The following RPS6KA5 variants were observed in gnomAD, a reference collection of about 807,000 sequenced individuals.
RPS6KA5 encodes the protein ribosomal protein S6 kinase A5.
RPS6KA5 carries 27 observed loss-of-function variants against 85.5 expected under a neutral mutation model. The ratio of observed to expected loss-of-function variants is 0.32; its 90% CI spans 0.23 to 0.44. The LOEUF (loss-of-function observed/expected upper bound fraction) is 0.44. RPS6KA5 is among the 20% of genes least tolerant of loss of function. The pLI, the probability that RPS6KA5 is intolerant of heterozygous loss-of-function variation, is 1.00. For synonymous variants in RPS6KA5, 334 were observed against 348.2 expected (o/e 0.96, Z 0.46); for missense variants, 811 against 980.9 (o/e 0.83, Z 2.31).
chr14:90,971,914 G>A (rs2039339413), intron 3 of RPS6KA5, among the ~76,000 whole-genome samples: 1 of 152,236 alleles, frequency 6.6e-6, no homozygotes, highest in Non-Finnish European at 1.5e-5. Flanking sequence ...CATGAGCAAT[G>A]TGGGAAGGTA....
intron 14 of RPS6KA5, among the ~76,000 whole-genome samples, chr14:90,883,089 A>G (rs1231162183): frequency 6.6e-6 from 1 of 152,070 alleles, no homozygotes; most frequent in Non-Finnish European, 1.5e-5. Context: ...TTTCATTATA[A>G]TGTGTTTCAG....
chr14:90,985,352 T>C (rs886920702), intron 2 of RPS6KA5, among the ~76,000 whole-genome samples: 2 of 152,242 alleles, frequency 1.3e-5, no homozygotes, highest in Non-Finnish European at 2.9e-5. Context: ...ATGCAAAATT[T>C]TGTGTGTGTA....
intron 1 of RPS6KA5, among the ~76,000 whole-genome samples, chr14:91,020,611 C>T (rs1235568176): frequency 1.9e-3 from 46 of 23,684 alleles, no homozygotes; most frequent in East Asian, 3.3e-3. Context: ...TGTATATATC[C>T]TATTGTGTGT....
intron 2 of RPS6KA5, among the ~76,000 whole-genome samples, chr14:90,993,462 A>G (rs2040391629): frequency 6.6e-6 from 1 of 152,154 alleles, no homozygotes; most frequent in Non-Finnish European, 1.5e-5. Context: ...AAGACAGAGC[A>G]AGACTCCGTC....
chr14:90,948,426 G>A (rs1338515193), intron 3 of RPS6KA5, among the ~76,000 whole-genome samples: 4 of 152,208 alleles, frequency 2.6e-5, no homozygotes, highest in African/African-American at 9.7e-5. Flanking sequence ...GCCGGGCGCA[G>A]TGGCTCACGC....
At position 90,864,177 on chromosome 14, in the gene RPS6KA5, T is replaced by C. The variant is rs1410559368; in HGVS notation, c.*7897A>G. 1 of 152,296 alleles carries C rather than the reference T, an allele frequency of 6.6e-6. No individual in the cohort carries two copies. The highest frequency in any genetic ancestry group is 1.5e-5 in the Non-Finnish European group (1 of 68,094). 9.4% of individuals were successfully genotyped at this position (152,296 alleles called of 1,614,324 possible). On this transcript the variant is annotated 3_prime_UTR_variant, in exon 17 of 17. Transcript: ENST00000614987. ...TTTTTTGAGACAGAGTCTCGCTCTG[T>C]TGCCTAGGCTAGAGTGTAGTGGCAT... is the stretch of plus-strand genomic sequence containing the variant.
chr14:90,941,999 T>C (rs1595281858), intron 5 of RPS6KA5, among the ~76,000 whole-genome samples: 2 of 152,184 alleles, frequency 1.3e-5, no homozygotes, highest in Non-Finnish European at 2.9e-5. Context: ...ACTACGATAT[T>C]TGTATCAAAG....
chr14:90,938,599 G>A (rs949613132), intron 5 of RPS6KA5, among the ~76,000 whole-genome samples: 15 of 152,176 alleles, frequency 9.9e-5, no homozygotes, highest in Non-Finnish European at 1.8e-4. Context: ...AAATCTAGGC[G>A]GAGGTTCCCA....
intron 12 of RPS6KA5, among the ~76,000 whole-genome samples, chr14:90,897,146 G>A (rs1197531977): frequency 1.3e-5 from 2 of 152,166 alleles, no homozygotes; most frequent in Admixed American, 6.5e-5. Flanking sequence ...CTCGCCATGC[G>A]CAGTTCACAA....
chr14:91,041,915 T>C (rs899407378), intron 1 of RPS6KA5, among the ~76,000 whole-genome samples: 2 of 152,196 alleles, frequency 1.3e-5, no homozygotes, highest in Admixed American at 6.5e-5. Context: ...AGAAAACAAA[T>C]GCTTATAAAG....
intron 1 of RPS6KA5, among the ~76,000 whole-genome samples, chr14:91,009,916 T>C (rs141441377): frequency 6.6e-6 from 1 of 152,196 alleles, no homozygotes; most frequent in East Asian, 1.9e-4. Context: ...GTGGTTCAAC[T>C]AACCATGTAT....
chr14:90,886,132 T>C (rs1372769650), intron 14 of RPS6KA5, among the ~76,000 whole-genome samples: 3 of 152,092 alleles, frequency 2.0e-5, no homozygotes, highest in Non-Finnish European at 4.4e-5. Flanking sequence ...TATATACATA[T>C]ACACATACAT....
intron 1 of RPS6KA5, among the ~76,000 whole-genome samples, chr14:91,057,082 G>A (rs559546822): frequency 8.2e-4 from 124 of 151,184 alleles, no homozygotes; most frequent in African/African-American, 2.9e-3. Context: ...GGTTTCACCA[G>A]GTTGTCCAGG....
In RPS6KA5 at chr14:90,863,671, G is replaced by A. The variant is rs1444771731; in HGVS notation, c.*8403C>T. The A allele has an allele frequency of 1.3e-5, 2 of 152,064 alleles. No individual in the cohort carries two copies. The highest frequency in any genetic ancestry group is 2.9e-5 in the Non-Finnish European group (2 of 68,006). 9.4% of individuals were successfully genotyped at this position (152,064 alleles called of 1,614,324 possible). On this transcript the variant is annotated 3_prime_UTR_variant, in exon 17 of 17. Coordinates refer to ENST00000614987, the MANE Select transcript of RPS6KA5 (RefSeq NM_004755.4). Reference sequence around the variant, plus strand: ...AACAATTTGATAATAAAGTAAAACTGTCAAAAACCTAGATATAAATCTAAC... The same window carrying A: ...AACAATTTGATAATAAAGTAAAACTATCAAAAACCTAGATATAAATCTAAC...
chr14:90,995,743 G>A (rs1289629230), intron 2 of RPS6KA5, among the ~76,000 whole-genome samples: 1 of 151,922 alleles, frequency 6.6e-6, no homozygotes, highest in African/African-American at 2.4e-5. Context: ...ATAGATACCT[G>A]GCAAGAGTAA....
At chr14:91,026,096 G>A (rs1439541442) in intron 1 of RPS6KA5, among the ~76,000 whole-genome samples, 1 of 152,140 alleles carries the variant, frequency 6.6e-6, no homozygotes, top group East Asian at 1.9e-4. Context: ...AGGTTTAGAT[G>A]TTAATTCTGT....
intron 7 of RPS6KA5, among the ~76,000 whole-genome samples, chr14:90,914,309 G>GTTTTTTTTT (rs10658805): frequency 2.0e-4 from 16 of 81,524 alleles, no homozygotes; most frequent in Admixed American, 3.6e-4. Flanking sequence ...GATCCCTAGG[G>GTTTTTTTTT]TTTTTTTTTT....
At chr14:91,012,589 G>A (rs1378057434) in intron 1 of RPS6KA5, among the ~76,000 whole-genome samples, 1 of 152,162 alleles carries the variant, frequency 6.6e-6, no homozygotes. Context: ...AGCCTCCCCT[G>A]TCTGCCCAGG....
chr14:90,973,990 A>G (rs560373326), intron 3 of RPS6KA5, among the ~76,000 whole-genome samples: 1 of 134,232 alleles, frequency 7.4e-6, no homozygotes, highest in South Asian at 2.6e-4. Flanking sequence ...GTGGGCCAAG[A>G]TTGCACCACT....
Sources: allele counts gnomAD v4.1 joint callset (sites outside exome capture counted in the v4.1 genomes callset), GRCh38; gene constraint gnomAD v4.1.1; transcripts MANE v1.5; gene names NCBI Gene and HGNC (gene_info 2026-07-23, HGNC 2026-07-21).